NT5DC2: variants seen among roughly 807,000 people sequenced by gnomAD.
NT5DC2 encodes the protein 5'-nucleotidase domain containing 2.
In NT5DC2, 41 loss-of-function variants were observed where a neutral mutation model predicts 70.0. The observed-to-expected ratio is 0.59, with a 90% CI of 0.46 to 0.76. The LOEUF is 0.76. NT5DC2 is among the 30% of genes least tolerant of loss of function. NT5DC2 has a pLI of 0.00. For missense variants in NT5DC2, 705 were observed against 783.2 expected, an observed-to-expected ratio of 0.90 and a Z score of 1.19; for synonymous variants, 299 against 310.4, an observed-to-expected ratio of 0.96 and a Z score of 0.39.
intron 1 of NT5DC2, 146 bp downstream of exon 1, chr3:52,533,360 C>T: frequency 2.4e-6 from 2 of 825,844 alleles, no homozygotes; most frequent in Non-Finnish European, 3.4e-6. Flanking sequence ...CGGAGCTTCT[C>T]GCGAAAAGCC....
chr3:52,530,033 G>C (rs2153240313), intron 1 of NT5DC2: 1 of 153,210 alleles, frequency 6.5e-6, no homozygotes, highest in African/African-American at 2.4e-5. Flanking sequence ...GAGCCCCTCT[G>C]CCGATCGGGC....
rs1048556752 is a variant in NT5DC2, at chr3:52,533,846, C to G, written c.-109G>C. 26 of 980,904 alleles carry G rather than the reference C, an allele frequency of 2.7e-5. No homozygotes were observed. Among genetic ancestry groups the G allele is most frequent in the Middle Eastern group, 5.2e-4 (1 of 1,930 alleles). 60.8% of individuals were successfully genotyped at this position (980,904 alleles called of 1,614,324 possible). ...CACGGTGGCCTCGTGCTCCTCACGG[C>G]GGCCGGCCAATGGGTGCGGCGCGCG... On this transcript the variant is annotated 5_prime_UTR_variant, in exon 1 of 14. Transcript: ENST00000422318.
In NT5DC2 at chr3:52,525,002, C is replaced by T. The variant is rs755943743; in HGVS notation, c.1308G>A (p.Thr436=). Reference sequence around the variant, plus strand: ...GCAGCCCCGTGAGCGCCTGCTGCCACGTCAGCGAGTGCATGTACTGCTCCG... The same window carrying T: ...GCAGCCCCGTGAGCGCCTGCTGCCATGTCAGCGAGTGCATGTACTGCTCCG... The part of the protein sequence containing the change: ...INTEQYMHSL[T]WQQALTGLLE... Residue 436 remains threonine, a synonymous_variant, in exon 12 of 14, where the codon ACG becomes ACA. Coordinates refer to ENST00000422318, the MANE Select transcript of NT5DC2 (RefSeq NM_001134231.2). 3.2e-5 allele frequency: 52 copies of T among 1,610,924 alleles called. No homozygotes were observed. The highest frequency in any genetic ancestry group is 8.4e-5 in the Admixed American group (5 of 59,808).
At chr3:52,533,430 G>C (rs2079387076) in intron 1 of NT5DC2, 76 bp downstream of exon 1, 12 of 1,395,700 alleles carry the variant, frequency 8.6e-6, no homozygotes, top group African/African-American at 1.5e-5. Context: ...CCGGAGGAGC[G>C]GCACCCTGGG....
chr3:52,527,429 G>C (rs1251972011), intron 9 of NT5DC2, 54 bp from the exon 10 acceptor site: 43 of 1,585,878 alleles, frequency 2.7e-5, no homozygotes, highest in Non-Finnish European at 1.1e-5. Context: ...CCACGGGCCG[G>C]GCAACCCCCA....
intron 1 of NT5DC2, chr3:52,532,432 A>C: frequency 1.0e-6 from 1 of 985,482 alleles, no homozygotes; most frequent in Admixed American, 6.1e-5. Context: ...CCAAGGCTTC[A>C]AAATGACCAT....
intron 10 of NT5DC2, among the ~76,000 whole-genome samples, chr3:52,526,777 A>G (rs2079281005): frequency 6.6e-6 from 1 of 152,124 alleles, no homozygotes; most frequent in African/African-American, 2.4e-5. Context: ...CTCCCACCTC[A>G]GCCTCTGGAG....
chr3:52,531,131 T>C lies in NT5DC2; in HGVS notation c.233-1797A>G, dbSNP rs560336084. Among the ~76,000 whole-genome samples, 1 of 152,354 alleles carries C rather than the reference T, an allele frequency of 6.6e-6. No individual in the cohort carries two copies. Among genetic ancestry groups the C allele is most frequent in the African/African-American group, 2.4e-5 (1 of 41,592 alleles). On this transcript the variant is annotated intron_variant, in intron 1 of 13. Transcript: ENST00000422318. The surrounding 1 kb of genome is among the most constrained non-coding windows in gnomAD (Gnocchi z 4.1). Reference sequence around the variant, plus strand: ...CAGAGCACTTGCCTCAGAGGCACTCTGGGGACACAGGGCTCCATTCCCACC... The same window carrying C: ...CAGAGCACTTGCCTCAGAGGCACTCCGGGGACACAGGGCTCCATTCCCACC...
intron 9 of NT5DC2, 36 bp from the exon 10 acceptor site, chr3:52,527,411 T>C (rs2079293665): frequency 6.2e-7 from 1 of 1,606,926 alleles, no homozygotes. Flanking sequence ...TTCCAGTCTG[T>C]GGCTGGGCCA....
In NT5DC2 at chr3:52,529,471, G is replaced by A. The variant is rs73841306; in HGVS notation, c.233-137C>T. The A allele has an allele frequency of 3.5e-3, 2,806 of 807,076 alleles. 60 individuals carry two copies. In the African/African-American group the frequency reaches 0.044, roughly 13 times the overall value. 50.0% of individuals were successfully genotyped at this position (807,076 alleles called of 1,614,324 possible). The stretch of plus-strand genomic sequence containing the variant: ...CAATGGCACCTCTTATTCCAGTGCT[G>A]GAGATGGTCAAACAGGCCCAGAGAG... On this transcript the variant is annotated intron_variant, in intron 1 of 13. Coordinates refer to ENST00000422318, the MANE Select transcript of NT5DC2 (RefSeq NM_001134231.2). This position sits in a 1 kb window ranked among gnomAD's most constrained non-coding sequence, Gnocchi z 4.1.
At chr3:52,525,460 CT>C (rs2079245783) in intron 10 of NT5DC2, 165 bp from the exon 11 acceptor site, 1 of 622,596 alleles carries the variant, frequency 1.6e-6, no homozygotes, top group Non-Finnish European at 2.9e-6. Context: ...CTTTCCCCTC[CT>C]ACTTGGGAAG....
rs1265907030 is a variant in NT5DC2 at position 52,533,832 on chromosome 3, C to G, written c.-95G>C. ...GACTGCGCGCCCGCCACGGTGGCCTCGTGCTCCTCACGGCGGCCGGCCAAT... is the reference window on the plus strand; with the variant it reads ...GACTGCGCGCCCGCCACGGTGGCCTGGTGCTCCTCACGGCGGCCGGCCAAT... On this transcript the variant is annotated 5_prime_UTR_variant, in exon 1 of 14. Coordinates refer to ENST00000422318, the MANE Select transcript of NT5DC2 (RefSeq NM_001134231.2). 1 of 980,474 alleles carries G rather than the reference C, an allele frequency of 1.0e-6. No individual in the cohort carries two copies. Among genetic ancestry groups the G allele is most frequent in the Non-Finnish European group, 1.2e-6 (1 of 827,914 alleles). The allele number at this position is 980,474 out of a possible 1,614,324, so 60.7% of individuals were successfully genotyped here.
chr3:52,533,241 T>C (rs1260516186), intron 1 of NT5DC2, among the ~76,000 whole-genome samples: 1 of 152,062 alleles, frequency 6.6e-6, no homozygotes, highest in African/African-American at 2.4e-5. Context: ...GGCCCAGCAC[T>C]CCGGCAGCCG....
chr3:52,534,468 G>A (rs1397068026), upstream of NT5DC2: 4 of 1,609,986 alleles, frequency 2.5e-6, no homozygotes, highest in South Asian at 4.4e-5. Flanking sequence ...GCCGTGCGCT[G>A]CAGGGTTGTG....
Position 52,531,769 on chromosome 3 carries a change from T to A in NT5DC2, c.232+1737A>T, listed in dbSNP as rs535541683. On this transcript the variant is annotated intron_variant, in intron 1 of 13. Transcript: ENST00000422318. This position sits in a 1 kb window ranked among gnomAD's most constrained non-coding sequence, Gnocchi z 4.1. ...CAGCCCTAGCTCCCACACCTGCCCA[T>A]GGTGCCAGGTCCCAGGGCCAACTGC... Among the ~76,000 whole-genome samples the A allele has an allele frequency of 3.2e-4, 49 of 152,250 alleles. No homozygotes were observed. The highest frequency in any genetic ancestry group is 1.1e-3 in the African/African-American group (45 of 41,538).
chr3:52,524,887 G>C lies in NT5DC2; in HGVS notation c.1348-6C>G. The C allele has an allele frequency of 1.2e-6, 2 of 1,612,252 alleles. No homozygotes were observed. The highest frequency in any genetic ancestry group is 1.7e-6 in the Non-Finnish European group (2 of 1,179,678). ...GACTCCGCGTCCTGATAGGTCTGGG[G>C]ACACAAAGTGTGCATTGGGTGTGTG... On this transcript the variant is annotated splice_polypyrimidine_tract_variant and splice_region_variant and intron_variant, in intron 12 of 13. Coordinates refer to ENST00000422318, the MANE Select transcript of NT5DC2 (RefSeq NM_001134231.2).
Position 52,527,334 on chromosome 3 carries a change from T to A in NT5DC2, c.1079A>T (p.Asp360Val), listed in dbSNP as rs1467541150. The change falls in exon 10 of 14, where the codon GAC becomes GTC. Residue 360 changes from aspartate to valine, a missense_variant. Transcript: ENST00000422318. ...KLDEKGSLQWDRITRLEKGKI... is the reference protein window; with the variant it reads ...KLDEKGSLQWVRITRLEKGKI... ...GCCCTTTTCCAAGCGGGTGATCCGG[T>A]CCCACTGAAGTGAGCCCTTCTCATC... is the stretch of plus-strand genomic sequence containing the variant. 7.4e-6 allele frequency: 12 copies of A among 1,614,142 alleles called. No individual in the cohort carries two copies. The highest frequency in any genetic ancestry group is 1.0e-5 in the Non-Finnish European group (12 of 1,180,022).
intron 1 of NT5DC2, among the ~76,000 whole-genome samples, chr3:52,530,697 T>C (rs896564170): frequency 6.6e-6 from 1 of 152,090 alleles, no homozygotes; most frequent in African/African-American, 2.4e-5. Flanking sequence ...TGAAAACATT[T>C]TTAAAAAGAA....
intron 1 of NT5DC2, among the ~76,000 whole-genome samples, chr3:52,530,532 T>C (rs2079345530): frequency 6.6e-6 from 1 of 152,150 alleles, no homozygotes. Context: ...TTGGGCCTGT[T>C]TCCTAGTTTC....
Sources: gnomAD v4.1 joint callset for allele counts (sites outside exome capture counted in the v4.1 genomes callset) on GRCh38, gnomAD v4.1.1 for gene constraint, Gnocchi (gnomAD v3.1) non-coding constraint, MANE v1.5 for transcripts, NCBI Gene and HGNC (gene_info 2026-07-23, HGNC 2026-07-21) for gene names.